LRP1B: variants seen among roughly 807,000 people sequenced by gnomAD.
The protein encoded by LRP1B is low-density lipoprotein receptor-related protein 1B.
In LRP1B, 217 loss-of-function variants were observed where a neutral mutation model predicts 556.6. The observed-to-expected ratio is 0.39, with a 90% CI of 0.35 to 0.44. The LOEUF is 0.44. LRP1B is among the 20% of genes least tolerant of loss of function. The pLI, the probability that LRP1B is intolerant of heterozygous loss-of-function variation, is 1.00. For missense variants in LRP1B, 5,053 were observed against 5,620.8 expected (o/e 0.90, Z 3.23); for synonymous variants, 2,047 against 1,865.8 (o/e 1.10, Z -2.50).
chr2:141,519,971 T>C (rs1684474331), intron 2 of LRP1B, among the ~76,000 whole-genome samples: 1 of 152,132 alleles, frequency 6.6e-6, no homozygotes, highest in South Asian at 2.1e-4. Flanking sequence ...AAGTAAAATA[T>C]AAGTGTATAA....
At chr2:140,385,746 A>C in intron 67 of LRP1B, 147 bp downstream of exon 67, 1 of 641,760 alleles carries the variant, frequency 1.6e-6, no homozygotes. Context: ...AGGTAGTCTG[A>C]ATATTCTTGT....
At chr2:141,255,768 T>C (rs1684438558) in intron 3 of LRP1B, among the ~76,000 whole-genome samples, 1 of 151,806 alleles carries the variant, frequency 6.6e-6, no homozygotes, top group African/African-American at 2.4e-5. Flanking sequence ...CTGCGTATAC[T>C]GCTTCTCCTT....
chr2:141,907,644 A>G (rs1699795930), intron 1 of LRP1B, among the ~76,000 whole-genome samples: 1 of 151,976 alleles, frequency 6.6e-6, no homozygotes, highest in African/African-American at 2.4e-5. Flanking sequence ...AATATTATCT[A>G]ATGAGTCAAA....
intron 84 of LRP1B, among the ~76,000 whole-genome samples, chr2:140,278,290 T>G (rs1013229742): frequency 6.6e-6 from 1 of 152,020 alleles, no homozygotes; most frequent in Admixed American, 6.6e-5. Flanking sequence ...TGGTTTAAAC[T>G]GATGTGTACA....
chr2:141,594,660 C>T (rs60250014), intron 2 of LRP1B, among the ~76,000 whole-genome samples: 1,818 of 152,150 alleles, frequency 0.012, 40 homozygotes, highest in African/African-American at 0.041. Flanking sequence ...TCAAAATTGT[C>T]ATTTGGTTGA....
rs118024087 is a variant in LRP1B, at chr2:140,417,682, C to T, written c.10414+24822G>A. 8.8e-3 allele frequency among the ~76,000 whole-genome samples: 1,339 copies of T among 152,206 alleles called. 61 individuals are homozygous for T. The East Asian group carries it at 0.14, about 16-fold the overall frequency. ...AGATGGAGTGGCTGCCATGACTGCA[C>T]GGCTTTCTGGTTTCACTACTCAGGT... On this transcript the variant is annotated intron_variant, in intron 66 of 90. Transcript: ENST00000389484.
chr2:141,175,024 G>A (rs1490470332), intron 7 of LRP1B, among the ~76,000 whole-genome samples: 1 of 152,090 alleles, frequency 6.6e-6, no homozygotes, highest in African/African-American at 2.4e-5. Context: ...GAGATTTGTG[G>A]AACTTTAAAC....
At chr2:140,539,172 T>G (rs1680041798) in intron 45 of LRP1B, among the ~76,000 whole-genome samples, 1 of 152,082 alleles carries the variant, frequency 6.6e-6, no homozygotes, top group African/African-American at 2.4e-5. Context: ...CAACAAATGG[T>G]TTTCCCTCCT....
At chr2:141,985,528 C>T (rs1000620178) in intron 1 of LRP1B, among the ~76,000 whole-genome samples, 2 of 151,670 alleles carry the variant, frequency 1.3e-5, no homozygotes, top group African/African-American at 4.8e-5. Context: ...GGGGGGGTAT[C>T]TTTTCCATAT....
chr2:140,235,884 TTTTA>T (rs1680676052), intron 89 of LRP1B, among the ~76,000 whole-genome samples: 1 of 151,088 alleles, frequency 6.6e-6, no homozygotes, highest in Non-Finnish European at 1.5e-5. Flanking sequence ...AATACTATAT[TTTTA>T]TTCCTAAGAA....
chr2:141,615,180 G>A (rs185860657), intron 2 of LRP1B, among the ~76,000 whole-genome samples: 17 of 152,264 alleles, frequency 1.1e-4, no homozygotes, highest in African/African-American at 3.6e-4. Context: ...AAGGTAAATC[G>A]GTTAGTGATA....
intron 1 of LRP1B, among the ~76,000 whole-genome samples, chr2:142,081,139 G>A (rs1417876571): frequency 6.3e-4 from 96 of 152,028 alleles, no homozygotes; most frequent in Non-Finnish European, 1.8e-4. Flanking sequence ...AATAAATAAA[G>A]TTGAATGGAA....
At chr2:140,997,211 G>C (rs1460323075) in intron 15 of LRP1B, among the ~76,000 whole-genome samples, 1 of 151,884 alleles carries the variant, frequency 6.6e-6, no homozygotes, top group Admixed American at 6.6e-5. Flanking sequence ...TACACATACT[G>C]TGGTACCTGC....
At chr2:141,568,940 A>C (rs1354406341) in intron 2 of LRP1B, among the ~76,000 whole-genome samples, 1 of 142,310 alleles carries the variant, frequency 7.0e-6, no homozygotes, top group African/African-American at 2.5e-5. Flanking sequence ...TTTTGTATTT[A>C]TATTTGTAGT....
At chr2:141,684,149 C>A (rs1347303519) in intron 2 of LRP1B, among the ~76,000 whole-genome samples, 1 of 152,050 alleles carries the variant, frequency 6.6e-6, no homozygotes, top group Non-Finnish European at 1.5e-5. Context: ...AAGACACATG[C>A]ACATGTATGT....
intron 3 of LRP1B, among the ~76,000 whole-genome samples, chr2:141,468,108 C>T (rs1451898312): frequency 2.6e-5 from 4 of 152,124 alleles, no homozygotes. Flanking sequence ...ATGAAAAGCT[C>T]ACATCAAAAT....
chr2:140,878,836 G>T (rs1349659300), intron 25 of LRP1B, among the ~76,000 whole-genome samples: 1 of 151,846 alleles, frequency 6.6e-6, no homozygotes, highest in Non-Finnish European at 1.5e-5. Flanking sequence ...GTGAAACCCT[G>T]TCTCTACTAA....
intron 2 of LRP1B, among the ~76,000 whole-genome samples, chr2:141,535,372 G>T (rs142898912): frequency 0.011 from 1,645 of 152,082 alleles, 14 homozygotes; most frequent in Middle Eastern, 0.017. Context: ...TTAGTTCATG[G>T]CTAAAATAAA....
intron 2 of LRP1B, among the ~76,000 whole-genome samples, chr2:141,520,926 A>T (rs1684504169): frequency 6.6e-6 from 1 of 151,788 alleles, no homozygotes; most frequent in South Asian, 2.1e-4. Context: ...TCCCTTGGTG[A>T]TGGTGACTTT....
Sources: allele counts gnomAD v4.1 joint callset (sites outside exome capture counted in the v4.1 genomes callset), GRCh38; gene constraint gnomAD v4.1.1; transcripts MANE v1.5; gene names NCBI Gene and HGNC (gene_info 2026-07-23, HGNC 2026-07-21).